The following EXOSC8 variants were observed in gnomAD, a reference collection of about 807,000 sequenced individuals.
The protein encoded by EXOSC8 is exosome complex component RRP43.
Under a neutral mutation model 39.9 loss-of-function variants are expected in EXOSC8, and 37 were observed. The observed-to-expected ratio is 0.93, with a 90% CI of 0.71 to 1.22. The LOEUF (loss-of-function observed/expected upper bound fraction) is 1.22. Ranked by LOEUF, EXOSC8 falls within the 50% of genes most tolerant of loss-of-function variation. The pLI, the probability that EXOSC8 is intolerant of heterozygous loss-of-function variation, is 0.00. For synonymous variants in EXOSC8, 93 were observed against 109.5 expected (o/e 0.85, Z 0.94); for missense variants, 313 against 326.6 (o/e 0.96, Z 0.32).
Position 37,004,539 on chromosome 13 carries a change from T to A in EXOSC8, c.216T>A (p.Asp72Glu), listed in dbSNP as rs199679550. The change falls in exon 5 of 11, where the codon GAT becomes GAA. Residue 72 changes from aspartate (D) to glutamate (E), a missense_variant. Physicochemically the swap from Asp to Glu is conservative, Grantham distance 45 (BLOSUM62 2). Transcript: ENST00000389704. ...AGGAATTTGCAGCACCATCAACAGATGCCCCTGATAAAGGATACGTTGGTA... is the reference window on the plus strand; with the variant it reads ...AGGAATTTGCAGCACCATCAACAGAAGCCCCTGATAAAGGATACGTTGGTA... Reference protein sequence around the residue: ...VKAEFAAPSTDAPDKGYVVPN... With the variant: ...VKAEFAAPSTEAPDKGYVVPN... The A allele has an allele frequency of 1.9e-6, 3 of 1,608,388 alleles. No individual in the cohort carries two copies. Among genetic ancestry groups the A allele is most frequent in the Non-Finnish European group, 1.7e-6 (2 of 1,175,506 alleles).
intron 5 of EXOSC8, among the ~76,000 whole-genome samples, chr13:37,005,463 CAG>C (rs1434951469): frequency 6.6e-6 from 1 of 152,024 alleles, no homozygotes; most frequent in Admixed American, 6.6e-5. Flanking sequence ...AGAGACCAAA[CAG>C]AATATAACTA....
chr13:37,005,882 A>AT, intron 5 of EXOSC8, 38 bp from the exon 6 acceptor site: 1 of 888,740 alleles, frequency 1.1e-6, no homozygotes, highest in Non-Finnish European at 1.8e-6. Flanking sequence ...AAAAAAAAAA[A>AT]AAAGGTTTAG....
intron 3 of EXOSC8, 106 bp downstream of exon 3, chr13:37,002,657 AT>A (rs916022044): frequency 1.8e-5 from 15 of 832,048 alleles, no homozygotes; most frequent in Middle Eastern, 2.3e-4. Flanking sequence ...GGATTTGATG[AT>A]TTTTTTTGTC....
In EXOSC8 at chr13:37,008,925, A is replaced by G. The variant is rs1288522112; in HGVS notation, c.715+90A>G. 11 of 832,790 alleles carry G rather than the reference A, an allele frequency of 1.3e-5. No homozygotes were observed. The South Asian group carries it at 1.5e-4, about 11-fold the overall frequency. 51.6% of individuals were successfully genotyped at this position (832,790 alleles called of 1,614,324 possible). ...GGGAGGGCCAAATAGAATATGGGAT[A>G]TTTTATTTACCTAATTTTAGTATAG... On this transcript the variant is annotated intron_variant, in intron 10 of 10. Coordinates refer to ENST00000389704, the MANE Select transcript of EXOSC8 (RefSeq NM_181503.3).
In EXOSC8 at chr13:37,000,799, C is replaced by T. The variant is rs756686182; in HGVS notation, c.-7C>T. ...AGCGGCGCAGGCGCAGACGCGCGGG[C>T]GGGAAGATGGCGGCTGGGTTCAAGT... On this transcript the variant is annotated 5_prime_UTR_variant, in exon 1 of 11. Transcript: ENST00000389704. The T allele has an allele frequency of 8.9e-6, 14 of 1,580,876 alleles. No individual in the cohort carries two copies. Among genetic ancestry groups the T allele is most frequent in the Non-Finnish European group, 1.2e-5 (14 of 1,163,936 alleles).
In EXOSC8 at chr13:37,002,990, A is replaced by C; in HGVS notation, c.175A>C (p.Ile59Leu). The C allele has an allele frequency of 6.2e-7, 1 of 1,601,658 alleles. No homozygotes were observed. Among genetic ancestry groups the C allele is most frequent in the Non-Finnish European group, 8.6e-7 (1 of 1,168,934 alleles). Residue 59 changes from isoleucine to leucine, a missense_variant, in exon 4 of 11, where the codon ATC (isoleucine) becomes CTC (leucine). Ile to Leu is a conservative substitution (Grantham distance 5, BLOSUM62 2). Coordinates refer to ENST00000389704, the MANE Select transcript of EXOSC8 (RefSeq NM_181503.3). ...ALVKLGNTTV[I>L]CGVKAEFAAP... is the part of the protein sequence containing the mutation. ...AGTGAAGTTGGGAAATACTACAGTA[A>C]TCTGTGGAGTTAAAGCAGTAAGTCT... is the stretch of plus-strand genomic sequence containing the variant.
Position 37,005,940 on chromosome 13 carries a change from C to G in EXOSC8, c.259C>G (p.Pro87Ala). Residue 87 changes from proline to alanine, a missense_variant, in exon 6 of 11, where the codon CCC becomes GCC. By Grantham distance (27) the Pro-to-Ala change is conservative (BLOSUM62 -1). Coordinates refer to ENST00000389704, the MANE Select transcript of EXOSC8 (RefSeq NM_181503.3). Reference sequence around the variant, plus strand: ...TTCAGTTCCTAATGTGGATCTACCACCCCTGTGTTCATCGAGATTCCGGTC... The same window carrying G: ...TTCAGTTCCTAATGTGGATCTACCAGCCCTGTGTTCATCGAGATTCCGGTC... ...GYVVPNVDLP[P>A]LCSSRFRSGP... 1 of 1,606,728 alleles carries G rather than the reference C, an allele frequency of 6.2e-7. No individual in the cohort carries two copies.
chr13:37,004,532 C>T lies in EXOSC8; in HGVS notation c.209C>T (p.Ser70Leu), dbSNP rs1176482673. 7 of 1,608,406 alleles carry T rather than the reference C, an allele frequency of 4.4e-6. No homozygotes were observed. The highest frequency in any genetic ancestry group is 6.0e-6 in the Non-Finnish European group (7 of 1,175,756). The change falls in exon 5 of 11, where the codon TCA becomes TTA. Residue 70 changes from serine (S) to leucine (L), a missense_variant. Physicochemically the swap from Ser to Leu is moderately radical, Grantham distance 145. Coordinates refer to ENST00000389704, the MANE Select transcript of EXOSC8 (RefSeq NM_181503.3). ...CTACTATAGGAATTTGCAGCACCAT[C>T]AACAGATGCCCCTGATAAAGGATAC... The part of the protein sequence containing the change: ...CGVKAEFAAP[S>L]TDAPDKGYVV...
chr13:37,002,891 C>G (rs773757740), intron 3 of EXOSC8, 43 bp from the exon 4 acceptor site: 2 of 1,282,698 alleles, frequency 1.6e-6, no homozygotes, highest in Non-Finnish European at 2.3e-6. Context: ...AATTTTGTAG[C>G]TGTTTTCCTT....
At chr13:37,002,372 C>A in intron 2 of EXOSC8, 63 bp downstream of exon 2, 1 of 1,446,952 alleles carries the variant, frequency 6.9e-7, no homozygotes, top group Non-Finnish European at 9.7e-7. Flanking sequence ...AGATGAATTT[C>A]AAGTAATTTA....
chr13:37,001,732 G>T (rs574034586), intron 1 of EXOSC8: 1 of 152,486 alleles, frequency 6.6e-6, no homozygotes, highest in East Asian at 1.9e-4. Flanking sequence ...CGGTGAGCCT[G>T]AACATACCTT....
chr13:37,000,809 G>A lies in EXOSC8; in HGVS notation c.4G>A (p.Ala2Thr). The stretch of plus-strand genomic sequence containing the variant: ...GCGCAGACGCGCGGGCGGGAAGATG[G>A]CGGCTGGGTTCAAGTGAGTGTTGGC... M[A>T]AGFKTVEPLE... Residue 2 changes from alanine (A) to threonine (T), a missense_variant, in exon 1 of 11, where the codon GCG becomes ACG. Ala to Thr is a moderately conservative substitution (Grantham distance 58, BLOSUM62 0). Transcript: ENST00000389704. The A allele has an allele frequency of 6.3e-7, 1 of 1,582,904 alleles. No homozygotes were observed. The highest frequency in any genetic ancestry group is 8.6e-7 in the Non-Finnish European group (1 of 1,164,902).
intron 9 of EXOSC8, 100 bp downstream of exon 9, chr13:37,008,277 A>G (rs1382787568): frequency 8.2e-6 from 8 of 975,670 alleles, no homozygotes; most frequent in Non-Finnish European, 1.3e-5. Context: ...GTGACCCTAC[A>G]TCCTAGTTTT....
chr13:37,009,590 A>G lies in EXOSC8; in HGVS notation c.*291A>G. 6.4e-7 allele frequency: 1 copy of G among 1,558,304 alleles called. No homozygotes were observed. On this transcript the variant is annotated 3_prime_UTR_variant, in exon 11 of 11. Coordinates refer to ENST00000389704, the MANE Select transcript of EXOSC8 (RefSeq NM_181503.3). ...AGCAATGTAAAATACTGACACATTA[A>G]AAAAAACAAAAAGTAGAAACTCAAT... is the stretch of plus-strand genomic sequence containing the variant.
In EXOSC8 at chr13:37,005,983, A is replaced by G; in HGVS notation, c.302A>G (p.Glu101Gly). The change falls in exon 6 of 11, where the codon GAG (glutamate) becomes GGG (glycine). Residue 101 changes from glutamate to glycine, a missense_variant. By Grantham distance (98) the Glu-to-Gly change is moderately conservative (BLOSUM62 -2). Coordinates refer to ENST00000389704, the MANE Select transcript of EXOSC8 (RefSeq NM_181503.3). ...SRFRSGPPGE[E>G]AQVASQFIAD... ...TTCCGGTCTGGACCTCCTGGAGAAG[A>G]GGCCCAAGTGGCTAGCCAGTTCATT... 6.2e-7 allele frequency: 1 copy of G among 1,611,692 alleles called. No individual in the cohort carries two copies. The highest frequency in any genetic ancestry group is 1.3e-5 in the African/African-American group (1 of 74,878).
intron 5 of EXOSC8, among the ~76,000 whole-genome samples, chr13:37,005,714 A>C (rs956070276): frequency 1.3e-5 from 2 of 151,994 alleles, no homozygotes; most frequent in Non-Finnish European, 2.9e-5. Context: ...AATACAAAAA[A>C]TTAGCCGGGC....
chr13:37,007,621 G>A (rs1566076303), intron 8 of EXOSC8, among the ~76,000 whole-genome samples: 1 of 152,126 alleles, frequency 6.6e-6, no homozygotes. Flanking sequence ...GTGAATTGGA[G>A]GTAGAAAATG....
intron 7 of EXOSC8, among the ~76,000 whole-genome samples, 183 bp downstream of exon 7, chr13:37,006,343 T>TA (rs926734039): frequency 6.6e-6 from 1 of 152,158 alleles, no homozygotes; most frequent in African/African-American, 2.4e-5. Flanking sequence ...ATATTGTTTA[T>TA]AAAAAAACAA....
In EXOSC8 at chr13:37,006,162, TA is replaced by T; in HGVS notation, c.390+4del. 1 of 1,597,980 alleles carries T rather than the reference TA, an allele frequency of 6.3e-7. No individual in the cohort carries two copies. The highest frequency in any genetic ancestry group is 8.6e-7 in the Non-Finnish European group (1 of 1,166,440). Reference sequence around the variant, plus strand: ...GACTTATGCATTTCTCCAGGAAAGGTAAGAGGAATAGAGAAGCTATAAGTTC... The same window carrying T: ...GACTTATGCATTTCTCCAGGAAAGGTAGAGGAATAGAGAAGCTATAAGTTC... On this transcript the variant is annotated splice_donor_region_variant and intron_variant, in intron 7 of 10. Transcript: ENST00000389704.
Sources: allele counts gnomAD v4.1 joint callset (sites outside exome capture counted in the v4.1 genomes callset), GRCh38; gene constraint gnomAD v4.1.1; transcripts MANE v1.5; gene names NCBI Gene and HGNC (gene_info 2026-07-23, HGNC 2026-07-21).